Variants in ITPRID1 observed in about 807,000 individuals in gnomAD.
The protein encoded by ITPRID1 is protein ITPRID1.
ITPRID1 carries 96 observed loss-of-function variants against 95.4 expected under a neutral mutation model. That is an observed-to-expected ratio of 1.01 (90% CI 0.85 to 1.19). The LOEUF (loss-of-function observed/expected upper bound fraction) is 1.19. Among genes scored for constraint, ITPRID1 ranks in the 50% most tolerant of loss-of-function variants. The pLI, the probability that ITPRID1 is intolerant of heterozygous loss-of-function variation, is 0.00. For synonymous variants in ITPRID1, 510 were observed against 453.6 expected, an observed-to-expected ratio of 1.12 and a Z score of -1.58; for missense variants, 1,339 against 1,252.9, an observed-to-expected ratio of 1.07 and a Z score of -1.04.
At position 31,569,757 on chromosome 7, in the gene ITPRID1, G is replaced by C. The variant is rs1034579177; in HGVS notation, c.257-1G>C. 18 of 1,579,028 alleles carry C rather than the reference G, an allele frequency of 1.1e-5. No homozygotes were observed. The highest frequency in any genetic ancestry group is 1.6e-5 in the Non-Finnish European group (18 of 1,161,206). On this transcript the variant is annotated splice_acceptor_variant, in intron 5 of 14. Coordinates refer to ENST00000615280, the MANE Select transcript of ITPRID1 (RefSeq NM_001257967.3). LOFTEE classifies it high-confidence loss of function. ...CCCCTCTACTTTTTTTGTTGTTGCAGTTTCTTTGTATGAACAAGGGATGGT... is the reference window on the plus strand; with the variant it reads ...CCCCTCTACTTTTTTTGTTGTTGCACTTTCTTTGTATGAACAAGGGATGGT...
At chr7:31,595,345 TAC>T (rs58632355) in intron 10 of ITPRID1, among the ~76,000 whole-genome samples, 70,052 of 146,968 alleles carry the variant, frequency 0.48, 17,236 homozygotes, top group African/African-American at 0.62. Context: ...ATGCCCGGCC[TAC>T]ACACACACAC....
chr7:31,619,582 A>G (rs2128173937), intron 10 of ITPRID1, among the ~76,000 whole-genome samples: 1 of 152,170 alleles, frequency 6.6e-6, no homozygotes, highest in East Asian at 1.9e-4. Context: ...TGGTCAAGTA[A>G]GTTTGTAAAG....
chr7:31,561,366 C>T (rs1329065076), intron 5 of ITPRID1, among the ~76,000 whole-genome samples: 1 of 152,078 alleles, frequency 6.6e-6, no homozygotes, highest in East Asian at 1.9e-4. Flanking sequence ...GGTGCCTTCC[C>T]CCAGCCTTCC....
chr7:31,526,018 A>G (rs1328009417), intron 1 of ITPRID1, among the ~76,000 whole-genome samples: 2 of 152,210 alleles, frequency 1.3e-5, no homozygotes, highest in African/African-American at 2.4e-5. Context: ...AGAAAAGCTT[A>G]CCTTCAGCTC....
chr7:31,646,949 T>C (rs1465673618), intron 12 of ITPRID1, among the ~76,000 whole-genome samples: 1 of 152,218 alleles, frequency 6.6e-6, no homozygotes, highest in Non-Finnish European at 1.5e-5. Context: ...ATATAAGGTT[T>C]TACCAGATGA....
At position 31,656,473 on chromosome 7, in the gene ITPRID1, C is replaced by T. The variant is rs964336554; in HGVS notation, c.*3644C>T. ...CATGTTGGCTATTATTACAAGTGCA[C>T]ATACCAAGAACTCAATAAATGCTAA... On this transcript the variant is annotated 3_prime_UTR_variant, in exon 15 of 15. Coordinates refer to ENST00000615280, the MANE Select transcript of ITPRID1 (RefSeq NM_001257967.3). 2 of 981,114 alleles carry T rather than the reference C, an allele frequency of 2.0e-6. No individual in the cohort carries two copies. The highest frequency in any genetic ancestry group is 6.1e-5 in the Admixed American group (1 of 16,286). The allele number at this position is 981,114 out of a possible 1,614,324, so 60.8% of individuals were successfully genotyped here. A position where few individuals can be genotyped will look rare whatever the true frequency, so the allele number is the denominator to read the frequency against.
chr7:31,547,050 G>T (rs1784120932), intron 1 of ITPRID1, among the ~76,000 whole-genome samples: 2 of 151,518 alleles, frequency 1.3e-5, no homozygotes, highest in African/African-American at 2.4e-5. Context: ...AGATGATGTG[G>T]TGAACGACAT....
At chr7:31,650,362 A>C (rs1357853403) in intron 12 of ITPRID1, among the ~76,000 whole-genome samples, 2 of 152,146 alleles carry the variant, frequency 1.3e-5, no homozygotes, top group Non-Finnish European at 2.9e-5. Flanking sequence ...TGGGAGGCAG[A>C]CTGGAGGGTG....
In ITPRID1 at chr7:31,652,696, T is replaced by C; in HGVS notation, c.3002T>C (p.Leu1001Ser). The C allele has an allele frequency of 6.2e-7, 1 of 1,613,992 alleles. No homozygotes were observed. Among genetic ancestry groups the C allele is most frequent in the Non-Finnish European group, 8.5e-7 (1 of 1,179,902 alleles). Residue 1001 changes from leucine to serine, a missense_variant, in exon 15 of 15, where the codon TTG (leucine) becomes TCG (serine). Transcript: ENST00000615280. The stretch of plus-strand genomic sequence containing the variant: ...GCTCCCTGTTCAGGTGGGACCCAGT[T>C]GGCTGCCTTCACTCCACCCACCTTG... Reference protein sequence around the residue: ...QEAPCSGGTQLAAFTPPTLEN... With the variant: ...QEAPCSGGTQSAAFTPPTLEN...
intron 1 of ITPRID1, among the ~76,000 whole-genome samples, chr7:31,525,215 T>C (rs1364073007): frequency 6.6e-6 from 1 of 152,220 alleles, no homozygotes; most frequent in Non-Finnish European, 1.5e-5. Context: ...CCCAATGGCA[T>C]AGGTAGCAAG....
At chr7:31,547,600 T>A (rs948132134) in intron 1 of ITPRID1, among the ~76,000 whole-genome samples, 3 of 152,052 alleles carry the variant, frequency 2.0e-5, no homozygotes, top group Non-Finnish European at 4.4e-5. Context: ...GAACTACAAT[T>A]GAAGATGAGA....
chr7:31,658,196 T>A, downstream of ITPRID1: 1 of 1,334,812 alleles, frequency 7.5e-7, no homozygotes, highest in East Asian at 2.5e-5. Flanking sequence ...ATATTCGTTT[T>A]TTAGCCCACA....
chr7:31,620,879 T>C (rs904606302), intron 10 of ITPRID1, among the ~76,000 whole-genome samples: 16 of 151,910 alleles, frequency 1.1e-4, no homozygotes, highest in African/African-American at 3.6e-4. Context: ...GACGAATGTA[T>C]AACTAGAATA....
rs370526368 is a variant in ITPRID1, at chr7:31,617,974, T to C, written c.1229-24202T>C. 2.0e-4 allele frequency among the ~76,000 whole-genome samples: 30 copies of C among 152,292 alleles called. 1 individual carries two copies. In the South Asian group the frequency reaches 6.0e-3, roughly 31 times the overall value. ...AGGAAATGCATTTTAGAAGCACACA[T>C]ATTGATTGTCATTAGATAAACTGTT... is the stretch of plus-strand genomic sequence containing the variant. On this transcript the variant is annotated intron_variant, in intron 10 of 14. Coordinates refer to ENST00000615280, the MANE Select transcript of ITPRID1 (RefSeq NM_001257967.3).
chr7:31,613,911 G>C (rs1454289754), intron 10 of ITPRID1, among the ~76,000 whole-genome samples: 1 of 152,172 alleles, frequency 6.6e-6, no homozygotes, highest in Non-Finnish European at 1.5e-5. Context: ...GCATATGTAG[G>C]GGGAGGGAAG....
At chr7:31,566,290 C>T (rs1456775870) in intron 5 of ITPRID1, among the ~76,000 whole-genome samples, 4 of 152,188 alleles carry the variant, frequency 2.6e-5, no homozygotes, top group Admixed American at 2.6e-4. Context: ...TCTGACAGTT[C>T]GTGCAATGCA....
At chr7:31,623,945 A>G (rs1186259109) in intron 10 of ITPRID1, among the ~76,000 whole-genome samples, 9 of 149,886 alleles carry the variant, frequency 6.0e-5, no homozygotes, top group Non-Finnish European at 9.0e-5. Flanking sequence ...AAATCAATGT[A>G]CAAAAATCAC....
In ITPRID1 at chr7:31,553,016, T is replaced by C; in HGVS notation, c.-9T>C. 2 of 1,607,016 alleles carry C rather than the reference T, an allele frequency of 1.2e-6. No homozygotes were observed. Among genetic ancestry groups the C allele is most frequent in the Non-Finnish European group, 1.7e-6 (2 of 1,176,598 alleles). Reference sequence around the variant, plus strand: ...TGTGTTTTAAGTTAGTTTGCAGAATTACTCTCCTATGATGGCACAGAAATC... The same window carrying C: ...TGTGTTTTAAGTTAGTTTGCAGAATCACTCTCCTATGATGGCACAGAAATC... On this transcript the variant is annotated 5_prime_UTR_variant, in exon 3 of 15. Transcript: ENST00000615280.
At chr7:31,609,864 A>G (rs940175992) in intron 10 of ITPRID1, among the ~76,000 whole-genome samples, 4 of 151,402 alleles carry the variant, frequency 2.6e-5, no homozygotes, top group African/African-American at 7.3e-5. Flanking sequence ...AGTTTAAGGT[A>G]AGAGGTTAGG....
Sources: allele counts gnomAD v4.1 joint callset (sites outside exome capture counted in the v4.1 genomes callset), GRCh38; gene constraint gnomAD v4.1.1; transcripts MANE v1.5; gene names NCBI Gene and HGNC (gene_info 2026-07-23, HGNC 2026-07-21).